SDK2: variants seen among roughly 807,000 people sequenced by gnomAD.
SDK2 encodes the protein protein sidekick-2.
A neutral mutation model predicts 253.9 loss-of-function variants in SDK2; 105 were observed. That is an observed-to-expected ratio of 0.41 (90% CI 0.35 to 0.49). The LOEUF is 0.49. Among genes scored for constraint, SDK2 ranks in the 20% least tolerant of loss-of-function variants. The pLI is 0.06. For synonymous variants in SDK2, 1,249 were observed against 1,234.9 expected (o/e 1.01, Z -0.24); for missense variants, 2,608 against 3,003.0 (o/e 0.87, Z 3.07).
intron 36 of SDK2, among the ~76,000 whole-genome samples, chr17:73,375,280 T>G (rs2062768838): frequency 1.5e-5 from 2 of 134,992 alleles, no homozygotes; most frequent in African/African-American, 5.9e-5. Context: ...CTTGATCTGT[T>G]GCCCAGGCTG....
At chr17:73,583,824 T>C (rs2045569097) in intron 1 of SDK2, among the ~76,000 whole-genome samples, 1 of 152,188 alleles carries the variant, frequency 6.6e-6, no homozygotes. Flanking sequence ...TGAAATTTTA[T>C]GCCTGGCTCT....
In SDK2 at chr17:73,629,431, T is replaced by A. The variant is rs1001361145; in HGVS notation, c.64+14594A>T. Among the ~76,000 whole-genome samples, 15 of 152,186 alleles carry A rather than the reference T, an allele frequency of 9.9e-5. No homozygotes were observed. Among genetic ancestry groups the A allele is most frequent in the Admixed American group, 2.0e-4 (3 of 15,288 alleles). On this transcript the variant is annotated intron_variant, in intron 1 of 44. Coordinates refer to ENST00000392650, the MANE Select transcript of SDK2 (RefSeq NM_001144952.2). This position sits in a 1 kb window ranked among gnomAD's most constrained non-coding sequence, Gnocchi z 5.0. ...GCAAGTGACCCTGAGTGTAAGCACC[T>A]GAGGGCAGAAGCCACTTGGGGTGTG...
At chr17:73,523,069 G>A (rs1191308036) in intron 1 of SDK2, among the ~76,000 whole-genome samples, 4 of 152,192 alleles carry the variant, frequency 2.6e-5, no homozygotes, top group Admixed American at 6.5e-5. Context: ...TGGGAAAACC[G>A]ACGCAGAAGA....
chr17:73,459,775 C>T (rs1255672872), intron 3 of SDK2, among the ~76,000 whole-genome samples: 1 of 151,936 alleles, frequency 6.6e-6, no homozygotes, highest in Non-Finnish European at 1.5e-5. Context: ...TTAAAGCTCT[C>T]ACCTCGGTCT....
At chr17:73,512,064 C>T (rs1254666272) in intron 1 of SDK2, among the ~76,000 whole-genome samples, 3 of 152,042 alleles carry the variant, frequency 2.0e-5, no homozygotes, top group East Asian at 1.9e-4. Flanking sequence ...GTGCACATAT[C>T]TGTGTGTATG....
intron 1 of SDK2, among the ~76,000 whole-genome samples, chr17:73,568,812 T>C (rs2045343486): frequency 6.6e-6 from 1 of 152,260 alleles, no homozygotes; most frequent in African/African-American, 2.4e-5. Context: ...AACAGGCGAC[T>C]GCAGAAGGAA....
At chr17:73,441,769 G>A (rs545610950) in intron 5 of SDK2, among the ~76,000 whole-genome samples, 1 of 152,284 alleles carries the variant, frequency 6.6e-6, no homozygotes, top group Admixed American at 6.5e-5. Flanking sequence ...TGTTGTGCAG[G>A]CCATAAGAGA....
At chr17:73,398,278 A>G (rs1466573214) in intron 23 of SDK2, 42 bp downstream of exon 23, 2 of 1,600,002 alleles carry the variant, frequency 1.3e-6, no homozygotes, top group Admixed American at 1.7e-5. Flanking sequence ...ACCCACCCCC[A>G]GCCCTGAGGC....
chr17:73,424,927 A>G (rs910282596), intron 12 of SDK2, among the ~76,000 whole-genome samples: 14 of 152,236 alleles, frequency 9.2e-5, no homozygotes, highest in Non-Finnish European at 1.8e-4. Context: ...CTAAGTTTCA[A>G]AAGCAGAACC....
chr17:73,609,775 G>C lies in SDK2; in HGVS notation c.64+34250C>G, dbSNP rs1199129976. ...CAGGAGGGAGGGAGGGAACTGCTGG[G>C]GCCAAAGTGGGAAAGAGAAGTTGCA... On this transcript the variant is annotated intron_variant, in intron 1 of 44. Transcript: ENST00000392650. This position sits in a 1 kb window ranked among gnomAD's most constrained non-coding sequence, Gnocchi z 4.4. Among the ~76,000 whole-genome samples, 3 of 152,172 alleles carry C rather than the reference G, an allele frequency of 2.0e-5. No individual in the cohort carries two copies. The highest frequency in any genetic ancestry group is 1.3e-4 in the Admixed American group (2 of 15,280).
At chr17:73,466,601 T>C (rs2063598861) in intron 3 of SDK2, among the ~76,000 whole-genome samples, 1 of 152,076 alleles carries the variant, frequency 6.6e-6, no homozygotes, top group Non-Finnish European at 1.5e-5. Flanking sequence ...GCTCCTCTTA[T>C]GTTCCTCAAA....
At chr17:73,363,217 G>A (rs771560307) in intron 38 of SDK2, among the ~76,000 whole-genome samples, 2 of 152,140 alleles carry the variant, frequency 1.3e-5, no homozygotes, top group African/African-American at 4.8e-5. Context: ...CCGAGTAGGC[G>A]TCCACTACCA....
intron 1 of SDK2, among the ~76,000 whole-genome samples, chr17:73,593,698 C>T (rs928437297): frequency 5.3e-5 from 8 of 152,192 alleles, no homozygotes; most frequent in East Asian, 1.9e-4. Context: ...AATCGGATCA[C>T]GGAAGGTGTT....
At chr17:73,346,290 C>T (rs1027556896) in intron 44 of SDK2, among the ~76,000 whole-genome samples, 39 of 151,996 alleles carry the variant, frequency 2.6e-4, no homozygotes, top group Non-Finnish European at 4.7e-4. Context: ...TTGATTTCAA[C>T]GCACTTGAAG....
chr17:73,398,104 G>C lies in SDK2; in HGVS notation c.3285C>G (p.Pro1095=), dbSNP rs1183278820. ...PSRKIQTLQA[P]PDMAPANVSL... is the part of the protein sequence containing the mutation. ...ACACATTGGCTGGGGCCATGTCAGG[G>C]GGTGCCTGCAGGGTCTGGATCTTTC... Residue 1095 remains proline, a synonymous_variant, in exon 24 of 45, where the codon CCC becomes CCG. Transcript: ENST00000392650. 2 of 1,613,736 alleles carry C rather than the reference G, an allele frequency of 1.2e-6. No individual in the cohort carries two copies. The highest frequency in any genetic ancestry group is 4.5e-5 in the East Asian group (2 of 44,874).
intron 1 of SDK2, among the ~76,000 whole-genome samples, chr17:73,595,234 A>T (rs1044577748): frequency 5.3e-5 from 8 of 151,942 alleles, no homozygotes; most frequent in Non-Finnish European, 7.4e-5. Flanking sequence ...GAGGAAAGGG[A>T]GGTCTGAGAG....
intron 29 of SDK2, among the ~76,000 whole-genome samples, chr17:73,388,776 T>TTCCCTCCCTC (rs2062896673): frequency 1.7e-5 from 1 of 57,152 alleles, no homozygotes; most frequent in East Asian, 6.7e-4. Context: ...CTCCCTCTCC[T>TTCCCTCCCTC]TCCTTCCTTC....
chr17:73,447,716 A>T lies in SDK2; in HGVS notation c.512T>A (p.Leu171Gln). 1 of 1,551,766 alleles carries T rather than the reference A, an allele frequency of 6.4e-7. No individual in the cohort carries two copies. The highest frequency in any genetic ancestry group is 2.4e-5 in the East Asian group (1 of 40,916). The change falls in exon 5 of 45, where the codon CTG (leucine) becomes CAG (glutamine). Residue 171 changes from leucine to glutamine, a missense_variant. Leu to Gln is a moderately radical substitution (Grantham distance 113). This residue lies in a region of SDK2 where 1,505 missense variants were observed against 1,859.1 expected (regional missense o/e 0.81). Coordinates refer to ENST00000392650, the MANE Select transcript of SDK2 (RefSeq NM_001144952.2). The surrounding 1 kb of genome is among the most constrained non-coding windows in gnomAD (Gnocchi z 4.0). The part of the protein sequence containing the change: ...AITLENTLVI[L>Q]STVAPDAGRY... ...ACCTGCGTCAGGGGCCACCGTTGACAGGATGACAAGGGTGTTCTCCAGCGT... is the reference window on the plus strand; with the variant it reads ...ACCTGCGTCAGGGGCCACCGTTGACTGGATGACAAGGGTGTTCTCCAGCGT...
At position 73,459,859 on chromosome 17, in the gene SDK2, A is replaced by G. The variant is rs140113252; in HGVS notation, c.332-3806T>C. ...AAAACTTTTGACTTTGTCAAGCCTT[A>G]ATTTCCTCTTCTATAAAATGGAGTT... On this transcript the variant is annotated intron_variant, in intron 3 of 44. Transcript: ENST00000392650. Among the ~76,000 whole-genome samples, 313 of 152,096 alleles carry G rather than the reference A, an allele frequency of 2.1e-3. 2 individuals carry two copies. The highest frequency in any genetic ancestry group is 7.3e-3 in the African/African-American group (302 of 41,504).
Sources: gnomAD v4.1 joint callset for allele counts (sites outside exome capture counted in the v4.1 genomes callset) on GRCh38, gnomAD v4.1.1 for gene constraint, gnomAD v4.1.1 regional missense constraint, Gnocchi (gnomAD v3.1) non-coding constraint, MANE v1.5 for transcripts, NCBI Gene and HGNC (gene_info 2026-07-23, HGNC 2026-07-21) for gene names.